The following MICU1 variants were observed in gnomAD, a reference collection of about 807,000 sequenced individuals.
MICU1 encodes the protein calcium uptake protein 1, mitochondrial.
Under a neutral mutation model 56.8 loss-of-function variants are expected in MICU1, and 45 were observed. The observed-to-expected ratio is 0.79, with a 90% confidence interval of 0.62 to 1.02. MICU1 has a LOEUF of 1.02. Ranked by LOEUF, MICU1 falls within the 50% of genes least tolerant of loss-of-function variation. The pLI is 0.00. For synonymous variants in MICU1, 186 were observed against 195.1 expected, an observed-to-expected ratio of 0.95 and a Z score of 0.39; for missense variants, 504 against 587.1, an observed-to-expected ratio of 0.86 and a Z score of 1.46.
intron 5 of MICU1, among the ~76,000 whole-genome samples, chr10:72,524,303 G>C (rs1867906286): frequency 6.6e-6 from 1 of 152,088 alleles, no homozygotes; most frequent in Non-Finnish European, 1.5e-5. Context: ...GTCTTGCTAT[G>C]TTGCTCAGGC....
intron 1 of MICU1, among the ~76,000 whole-genome samples, chr10:72,568,910 C>T (rs1382462305): frequency 6.6e-6 from 1 of 150,974 alleles, no homozygotes; most frequent in East Asian, 2.0e-4. Flanking sequence ...ACGACAACCA[C>T]ACCTGGCTAA....
At chr10:72,379,030 T>C (rs1193448566) in intron 10 of MICU1, among the ~76,000 whole-genome samples, 1 of 152,180 alleles carries the variant, frequency 6.6e-6, no homozygotes, top group Non-Finnish European at 1.5e-5. Context: ...GAGATGTGTG[T>C]TGGGAAATCT....
chr10:72,498,782 C>T (rs986865475), intron 6 of MICU1, among the ~76,000 whole-genome samples: 3 of 152,150 alleles, frequency 2.0e-5, no homozygotes, highest in South Asian at 2.1e-4. Context: ...CTTTACAGGG[C>T]GACATATGCT....
At chr10:72,500,257 CATACATATAT>C (rs1231039171) in intron 6 of MICU1, among the ~76,000 whole-genome samples, 103 of 47,742 alleles carry the variant, frequency 2.2e-3, no homozygotes, top group African/African-American at 7.6e-3. Flanking sequence ...TACATACATA[CATACATATAT>C]ATATATATAT....
chr10:72,396,579 G>C (rs1863269641), intron 10 of MICU1, among the ~76,000 whole-genome samples: 1 of 152,156 alleles, frequency 6.6e-6, no homozygotes. Flanking sequence ...ACAGTGTAGA[G>C]AAGACCTTAA....
At chr10:72,535,066 G>A (rs1839599946) in intron 4 of MICU1, among the ~76,000 whole-genome samples, 1 of 56,658 alleles carries the variant, frequency 1.8e-5, no homozygotes, top group African/African-American at 6.7e-5. Context: ...GTCTTGCTCT[G>A]TCACCCAAGC....
chr10:72,571,406 G>C (rs1478693669), intron 1 of MICU1, among the ~76,000 whole-genome samples: 2 of 152,090 alleles, frequency 1.3e-5, no homozygotes, highest in African/African-American at 2.4e-5. Flanking sequence ...TATAAGCCTG[G>C]AAGATAAATT....
chr10:72,526,932 CAAAAAAAA>C (rs57033966), intron 5 of MICU1, among the ~76,000 whole-genome samples: 1 of 127,638 alleles, frequency 7.8e-6, no homozygotes, highest in Admixed American at 7.9e-5. Flanking sequence ...GTAATGGCTT[CAAAAAAAA>C]AAAAAAAAAA....
At chr10:72,606,005 C>T (rs1841678422) in intron 1 of MICU1, among the ~76,000 whole-genome samples, 1 of 151,808 alleles carries the variant, frequency 6.6e-6, no homozygotes, top group African/African-American at 2.4e-5. Context: ...GTGGCGCATG[C>T]CTGTAGTCCC....
At chr10:72,581,652 A>C (rs1840902430) in intron 1 of MICU1, among the ~76,000 whole-genome samples, 1 of 152,180 alleles carries the variant, frequency 6.6e-6, no homozygotes, top group Admixed American at 6.6e-5. Context: ...TACTACCAAC[A>C]GAACTAACAA....
At chr10:72,534,195 C>CAA (rs11297602) in intron 4 of MICU1, among the ~76,000 whole-genome samples, 17 of 86,464 alleles carry the variant, frequency 2.0e-4, no homozygotes, top group Non-Finnish European at 2.2e-4. Flanking sequence ...AATTAAACAC[C>CAA]AAAAAAAAAA....
intron 10 of MICU1, among the ~76,000 whole-genome samples, chr10:72,380,778 T>C (rs1413171614): frequency 6.6e-6 from 1 of 152,180 alleles, no homozygotes; most frequent in Non-Finnish European, 1.5e-5. Flanking sequence ...CTTCCATATA[T>C]GGACAATATC....
At chr10:72,573,197 C>CA (rs1255218485) in intron 1 of MICU1, among the ~76,000 whole-genome samples, 1 of 149,620 alleles carries the variant, frequency 6.7e-6, no homozygotes. Flanking sequence ...AGGCCAGCCG[C>CA]AGTAGCTCAT....
At chr10:72,380,046 G>C (rs749105350) in intron 10 of MICU1, among the ~76,000 whole-genome samples, 6 of 152,190 alleles carry the variant, frequency 3.9e-5, no homozygotes, top group Non-Finnish European at 8.8e-5. Context: ...GGTCCTGAGA[G>C]TTGGTTCATT....
At chr10:72,511,218 T>C (rs889228582) in intron 5 of MICU1, among the ~76,000 whole-genome samples, 3 of 152,194 alleles carry the variant, frequency 2.0e-5, no homozygotes, top group South Asian at 4.1e-4. Context: ...AGGTTCACCA[T>C]GTTGTAGCAT....
intron 9 of MICU1, among the ~76,000 whole-genome samples, chr10:72,421,550 C>T (rs563211265): frequency 1.3e-5 from 2 of 152,292 alleles, no homozygotes; most frequent in Admixed American, 6.5e-5. Flanking sequence ...GTTAGGATTA[C>T]AGGCGTGAGC....
At chr10:72,530,086 G>A (rs1839433014) in intron 5 of MICU1, among the ~76,000 whole-genome samples, 1 of 150,582 alleles carries the variant, frequency 6.6e-6, no homozygotes, top group South Asian at 2.1e-4. Flanking sequence ...GCAACACTTC[G>A]GGAGGCCAAG....
chr10:72,503,847 T>C (rs1867155282), intron 6 of MICU1, among the ~76,000 whole-genome samples: 1 of 147,036 alleles, frequency 6.8e-6, no homozygotes, highest in South Asian at 2.1e-4. Context: ...AATCAAGAAC[T>C]CAATTCCATT....
chr10:72,599,092 C>T lies in MICU1; in HGVS notation c.-2+26918G>A, dbSNP rs116370927. Among the ~76,000 whole-genome samples, 1,177 of 152,290 alleles carry T rather than the reference C, an allele frequency of 7.7e-3. 19 individuals carry two copies. The highest frequency in any genetic ancestry group is 0.027 in the African/African-American group (1,112 of 41,552). ...GCCTTATGTTTATCCTCATCTTTAT[C>T]CCCAGGCAGAGCTTCTGTCTGGCAA... On this transcript the variant is annotated intron_variant, in intron 1 of 11. Transcript: ENST00000361114.
Sources: allele counts gnomAD v4.1 joint callset (sites outside exome capture counted in the v4.1 genomes callset), GRCh38; gene constraint gnomAD v4.1.1; transcripts MANE v1.5; gene names NCBI Gene and HGNC (gene_info 2026-07-23, HGNC 2026-07-21).